Variants in PKIA observed in about 807,000 individuals in gnomAD.
PKIA encodes cAMP-dependent protein kinase inhibitor alpha, also known as PKI-alpha.
PKIA carries 4 observed loss-of-function variants against 7.6 expected under a neutral mutation model. The ratio of observed to expected loss-of-function variants is 0.52; its 90% CI spans 0.26 to 1.20. The LOEUF is 1.20. Among genes scored for constraint, PKIA ranks in the 50% most tolerant of loss-of-function variants. PKIA has a pLI of 0.13. For missense variants in PKIA, 73 were observed against 86.2 expected, an observed-to-expected ratio of 0.85 and a Z score of 0.61; for synonymous variants, 21 against 30.7, an observed-to-expected ratio of 0.68 and a Z score of 1.04.
At chr8:78,565,630 T>TA (rs749077067) in intron 1 of PKIA, among the ~76,000 whole-genome samples, 3 of 151,948 alleles carry the variant, frequency 2.0e-5, no homozygotes, top group Non-Finnish European at 4.4e-5. Flanking sequence ...CAGTAGCCCT[T>TA]TATTGAAGTT....
intron 2 of PKIA, among the ~76,000 whole-genome samples, chr8:78,595,000 A>G (rs1390259143): frequency 6.6e-6 from 1 of 152,222 alleles, no homozygotes; most frequent in Non-Finnish European, 1.5e-5. Flanking sequence ...AGAGGTGAAC[A>G]GAAGAATTTC....
In PKIA at chr8:78,598,339, A is replaced by C. The variant is rs1808276923; in HGVS notation, c.-27-19A>C. The stretch of plus-strand genomic sequence containing the variant: ...TGACTACCATTATATTCACCTATTA[A>C]TTTTCCTTTCTTTTGTAGTCCCTGC... On this transcript the variant is annotated intron_variant, in intron 2 of 3. Transcript: ENST00000396418. 3 of 1,511,676 alleles carry C rather than the reference A, an allele frequency of 2.0e-6. No individual in the cohort carries two copies. Among genetic ancestry groups the C allele is most frequent in the East Asian group, 4.6e-5 (2 of 43,760 alleles). The allele number at this position is 1,511,676 out of a possible 1,614,324, so 93.6% of individuals were successfully genotyped here. A position where few individuals can be genotyped will look rare whatever the true frequency, so the allele number is the denominator to read the frequency against.
intron 2 of PKIA, among the ~76,000 whole-genome samples, chr8:78,598,105 AT>A (rs1808269553): frequency 6.7e-6 from 1 of 148,178 alleles, no homozygotes. Context: ...ATATTATTAC[AT>A]TTAATATTAA....
At chr8:78,532,365 C>A (rs1806408925) in intron 1 of PKIA, among the ~76,000 whole-genome samples, 1 of 151,978 alleles carries the variant, frequency 6.6e-6, no homozygotes, top group South Asian at 2.1e-4. Context: ...AAGGAAAGCA[C>A]CCTCATCCCA....
rs34597437 is a variant in PKIA, at chr8:78,602,694, A to AATATATAT, written c.*886_*893dup. ...CTCAAGTGGAGAACTTCTCCCACATAATATATATATATATATATATTTTAA... is the reference window on the plus strand; with the variant it reads ...CTCAAGTGGAGAACTTCTCCCACATAATATATATATATATATATATATATATATTTTAA... On this transcript the variant is annotated 3_prime_UTR_variant, in exon 4 of 4. Transcript: ENST00000396418. 5.8e-5 allele frequency: 8 copies of AATATATAT among 136,950 alleles called. 1 individual carries two copies. Among genetic ancestry groups the AATATATAT allele is most frequent in the African/African-American group, 1.4e-4 (5 of 35,758 alleles). 8.5% of individuals were successfully genotyped at this position (136,950 alleles called of 1,614,324 possible). A position where few individuals can be genotyped will look rare whatever the true frequency, so the allele number is the denominator to read the frequency against.
At chr8:78,552,461 T>C (rs1342929595) in intron 1 of PKIA, among the ~76,000 whole-genome samples, 1 of 151,880 alleles carries the variant, frequency 6.6e-6, no homozygotes, top group East Asian at 1.9e-4. Context: ...TGAGTCAAAA[T>C]GAAAAAGTCT....
In PKIA at chr8:78,581,874, A is replaced by G. The variant is rs142718278; in HGVS notation, c.-28+8935A>G. ...TGCTAATTGTCAGATTTTCTTGTTAATATTTGGATATGTTTGTAGGAAGCG... is the reference window on the plus strand; with the variant it reads ...TGCTAATTGTCAGATTTTCTTGTTAGTATTTGGATATGTTTGTAGGAAGCG... On this transcript the variant is annotated intron_variant, in intron 2 of 3. Coordinates refer to ENST00000396418, the MANE Select transcript of PKIA (RefSeq NM_006823.4). 7.0e-3 allele frequency among the ~76,000 whole-genome samples: 1,072 copies of G among 152,162 alleles called. 11 individuals are homozygous for G. The highest frequency in any genetic ancestry group is 0.024 in the African/African-American group (1,008 of 41,502).
intron 2 of PKIA, among the ~76,000 whole-genome samples, chr8:78,585,334 T>C (rs913434205): frequency 2.0e-5 from 3 of 152,056 alleles, no homozygotes; most frequent in African/African-American, 7.2e-5. Flanking sequence ...CTCTAGAGCC[T>C]ATTCTACTGA....
chr8:78,581,746 A>G (rs1469367697), intron 2 of PKIA, among the ~76,000 whole-genome samples: 1 of 152,098 alleles, frequency 6.6e-6, no homozygotes, highest in African/African-American at 2.4e-5. Flanking sequence ...ACTCAATGAA[A>G]TGTGATTTTA....
At chr8:78,570,876 C>T (rs892894913) in intron 1 of PKIA, among the ~76,000 whole-genome samples, 3 of 152,132 alleles carry the variant, frequency 2.0e-5, no homozygotes, top group Non-Finnish European at 2.9e-5. Flanking sequence ...ATTACACATC[C>T]ATCTCCAGTA....
At chr8:78,554,850 G>T (rs1205323586) in intron 1 of PKIA, among the ~76,000 whole-genome samples, 3 of 151,996 alleles carry the variant, frequency 2.0e-5, no homozygotes, top group Admixed American at 6.6e-5. Context: ...TCTTTTCAAT[G>T]AATAACTTTA....
At chr8:78,533,965 T>C (rs1806454280) in intron 1 of PKIA, 1 of 152,104 alleles carries the variant, frequency 6.6e-6, no homozygotes, top group South Asian at 2.1e-4. Context: ...CACAGAAGCT[T>C]TACAAGATTA....
intron 1 of PKIA, among the ~76,000 whole-genome samples, chr8:78,549,465 GTCTT>G (rs1422015910): frequency 6.6e-6 from 1 of 151,836 alleles, no homozygotes; most frequent in East Asian, 1.9e-4. Flanking sequence ...TTGCTATATG[GTCTT>G]TCTTGAAGAT....
intron 2 of PKIA, among the ~76,000 whole-genome samples, chr8:78,597,820 C>T (rs922909640): frequency 1.3e-4 from 20 of 151,950 alleles, no homozygotes; most frequent in Non-Finnish European, 2.9e-5. Context: ...GATCATATGA[C>T]CCTCAGAGCC....
At chr8:78,574,202 T>C (rs980530963) in intron 2 of PKIA, among the ~76,000 whole-genome samples, 4 of 152,054 alleles carry the variant, frequency 2.6e-5, no homozygotes, top group Non-Finnish European at 5.9e-5. Flanking sequence ...ATACATTGTA[T>C]AATGATCAAA....
At chr8:78,547,768 G>C (rs1360916884) in intron 1 of PKIA, among the ~76,000 whole-genome samples, 1 of 152,128 alleles carries the variant, frequency 6.6e-6, no homozygotes, top group African/African-American at 2.4e-5. Context: ...CCAGAGAGTA[G>C]AAATTCTCCA....
intron 3 of PKIA, among the ~76,000 whole-genome samples, chr8:78,598,887 C>T (rs1448588968): frequency 6.6e-6 from 1 of 151,946 alleles, no homozygotes; most frequent in African/African-American, 2.4e-5. Context: ...CAATATTGGC[C>T]ACCTCTAACA....
At chr8:78,559,390 CTG>C (rs1242330083) in intron 1 of PKIA, among the ~76,000 whole-genome samples, 12 of 152,130 alleles carry the variant, frequency 7.9e-5, no homozygotes, top group Non-Finnish European at 1.5e-4. Flanking sequence ...GGTGGGAAGA[CTG>C]AGAAGCTATT....
rs1239466586 is a variant in PKIA at position 78,567,139 on chromosome 8, T to A, written c.-156-5672T>A. 2.0e-5 allele frequency among the ~76,000 whole-genome samples: 3 copies of A among 152,132 alleles called. No homozygotes were observed. The East Asian group carries it at 5.8e-4, about 29-fold the overall frequency. On this transcript the variant is annotated intron_variant, in intron 1 of 3. Coordinates refer to ENST00000396418, the MANE Select transcript of PKIA (RefSeq NM_006823.4). ...AAATTTGAAAGTATATTATAGAGAT[T>A]TCTCATACATACTATACCCATTTTT...
Sources: gnomAD v4.1 joint callset for allele counts (sites outside exome capture counted in the v4.1 genomes callset) on GRCh38, gnomAD v4.1.1 for gene constraint, MANE v1.5 for transcripts, NCBI Gene and HGNC (gene_info 2026-07-23, HGNC 2026-07-21) for gene names.